Variants in KMT2E observed in about 807,000 individuals in gnomAD.
KMT2E encodes the protein histone reader KMT2E.
Under a neutral mutation model 184.6 loss-of-function variants are expected in KMT2E, and 30 were observed. The ratio of observed to expected loss-of-function variants is 0.16; its 90% CI spans 0.12 to 0.22. KMT2E has a LOEUF of 0.22. KMT2E is among the 10% of genes least tolerant of loss of function. The pLI is 1.00. For missense variants in KMT2E, 2,023 were observed against 2,237.4 expected, an observed-to-expected ratio of 0.90 and a Z score of 1.93; for synonymous variants, 815 against 776.5, an observed-to-expected ratio of 1.05 and a Z score of -0.82.
intron 11 of KMT2E, chr7:105,077,786 C>A (rs1797593022): frequency 5.0e-6 from 1 of 200,116 alleles, no homozygotes; most frequent in Admixed American, 5.4e-5. Flanking sequence ...CCATCTGGGA[C>A]TCATGATAAT....
intron 3 of KMT2E, among the ~76,000 whole-genome samples, chr7:105,057,960 C>A (rs1045682808): frequency 3.3e-5 from 5 of 152,170 alleles, no homozygotes; most frequent in African/African-American, 9.7e-5. Context: ...GGGATCCGAT[C>A]GAAATTCACA....
At chr7:105,069,107 C>T (rs1797175673) in intron 6 of KMT2E, among the ~76,000 whole-genome samples, 1 of 152,012 alleles carries the variant, frequency 6.6e-6, no homozygotes, top group Admixed American at 6.6e-5. Context: ...CTTCTGTGCC[C>T]CAAATTCAGA....
chr7:105,109,125 C>G lies in KMT2E; in HGVS notation c.3652C>G (p.Pro1218Ala). The stretch of plus-strand genomic sequence containing the variant: ...GGACCACACTGCTAGCCTACCTTTA[C>G]CAACACCAGCTACAGTTTATAATGC... ...QVDHTASLPLPTPATVYNATS... is the reference protein window; with the variant it reads ...QVDHTASLPLATPATVYNATS... Residue 1218 changes from proline (P) to alanine (A), a missense_variant, in exon 23 of 27, where the codon CCA (proline) becomes GCA (alanine). Physicochemically the swap from Pro to Ala is conservative, Grantham distance 27. Around this residue, in one of 8 missense-constraint regions of KMT2E, gnomAD observed 1,108 missense variants for 1,050.9 expected, o/e 1.05. Coordinates refer to ENST00000311117, the MANE Select transcript of KMT2E (RefSeq NM_182931.3). 1 of 1,614,126 alleles carries G rather than the reference C, an allele frequency of 6.2e-7. No homozygotes were observed. The highest frequency in any genetic ancestry group is 1.6e-4 in the Middle Eastern group (1 of 6,062).
At chr7:105,103,313 C>T (rs1798738529) in intron 17 of KMT2E, 2 of 152,148 alleles carry the variant, frequency 1.3e-5, no homozygotes, top group African/African-American at 4.8e-5. Flanking sequence ...GCCTCTTTTG[C>T]CTGCAGATTT....
At chr7:105,065,111 AAT>A (rs1379756688) in intron 5 of KMT2E, among the ~76,000 whole-genome samples, 1 of 152,078 alleles carries the variant, frequency 6.6e-6, no homozygotes, top group Non-Finnish European at 1.5e-5. Flanking sequence ...TTATGACTCT[AAT>A]ATTTGTTACT....
chr7:105,073,748 A>G (rs1797424163), intron 7 of KMT2E, 71 bp downstream of exon 7: 6 of 886,798 alleles, frequency 6.8e-6, no homozygotes. Context: ...CTCAACTTTT[A>G]GTTAAATGTA....
Position 105,113,416 on chromosome 7 carries a change from G to A in KMT2E, c.*83G>A, listed in dbSNP as rs564278554. The stretch of plus-strand genomic sequence containing the variant: ...TGTACCTGTTAAGGTACTTTTTAAA[G>A]CTTGTACATGAACCTTTGTATAAAA... On this transcript the variant is annotated 3_prime_UTR_variant, in exon 27 of 27. Transcript: ENST00000311117. The A allele has an allele frequency of 5.1e-6, 7 of 1,381,822 alleles. No homozygotes were observed. The East Asian group carries it at 1.5e-4, about 29-fold the overall frequency. The allele number at this position is 1,381,822 out of a possible 1,614,324, so 85.6% of individuals were successfully genotyped here.
chr7:105,103,797 T>C (rs1269781748), intron 17 of KMT2E: 2 of 151,828 alleles, frequency 1.3e-5, no homozygotes, highest in African/African-American at 4.8e-5. Context: ...TGCACATTTA[T>C]ATATACTAAG....
At chr7:105,104,215 G>A (rs944985402) in intron 17 of KMT2E, 1 of 152,042 alleles carries the variant, frequency 6.6e-6, no homozygotes, top group Non-Finnish European at 1.5e-5. Flanking sequence ...TTTTTTTAAA[G>A]TAGTAATTTA....
chr7:105,096,801 G>A (rs1258504527), intron 15 of KMT2E, among the ~76,000 whole-genome samples: 1 of 152,182 alleles, frequency 6.6e-6, no homozygotes, highest in Admixed American at 6.5e-5. Flanking sequence ...ATGATCTGGA[G>A]GCCTTGCCCT....
chr7:105,087,238 TAA>T (rs931286373), intron 13 of KMT2E, among the ~76,000 whole-genome samples: 4 of 146,012 alleles, frequency 2.7e-5, no homozygotes, highest in Non-Finnish European at 4.5e-5. Context: ...AGCATATATA[TAA>T]AGAGATACCA....
chr7:105,023,402 CAAAAA>C (rs1158885663), intron 1 of KMT2E, among the ~76,000 whole-genome samples: 6 of 55,914 alleles, frequency 1.1e-4, no homozygotes, highest in South Asian at 7.0e-4. Flanking sequence ...GACTCTGTCT[CAAAAA>C]AAAAAAAAAA....
At chr7:105,057,258 A>G (rs899092846) in intron 3 of KMT2E, among the ~76,000 whole-genome samples, 2 of 152,220 alleles carry the variant, frequency 1.3e-5, no homozygotes, top group Non-Finnish European at 2.9e-5. Context: ...CACCCAGTGT[A>G]TAGAGATTCT....
intron 23 of KMT2E, 113 bp downstream of exon 23, chr7:105,109,341 TAA>T (rs1289034719): frequency 1.9e-6 from 2 of 1,056,500 alleles, no homozygotes; most frequent in East Asian, 2.6e-5. Flanking sequence ...GTCACAATTT[TAA>T]AAGATTCTCT....
chr7:105,081,595 A>G (rs1797766635), intron 12 of KMT2E, 93 bp from the exon 13 acceptor site: 1 of 714,646 alleles, frequency 1.4e-6, no homozygotes, highest in Non-Finnish European at 2.5e-6. Context: ...TGTTTGTGAA[A>G]TAATTTGAAA....
intron 6 of KMT2E, among the ~76,000 whole-genome samples, chr7:105,069,761 T>G (rs567524838): frequency 6.6e-6 from 1 of 152,292 alleles, no homozygotes; most frequent in African/African-American, 2.4e-5. Context: ...ATTAACACAG[T>G]CACTCTATAG....
intron 6 of KMT2E, among the ~76,000 whole-genome samples, chr7:105,067,066 TAA>T (rs11457088): frequency 1.7e-5 from 2 of 115,466 alleles, no homozygotes; most frequent in African/African-American, 3.4e-5. Context: ...CTTTTTTTTT[TAA>T]AAAAAAAAAA....
chr7:105,035,979 G>A (rs900975541), intron 1 of KMT2E, among the ~76,000 whole-genome samples: 2 of 152,144 alleles, frequency 1.3e-5, no homozygotes, highest in Non-Finnish European at 2.9e-5. Context: ...AGCAAGGTCG[G>A]TTTTGTTAGT....
chr7:105,022,716 GTTT>G (rs1333248605), intron 1 of KMT2E, among the ~76,000 whole-genome samples: 1 of 151,998 alleles, frequency 6.6e-6, no homozygotes, highest in Non-Finnish European at 1.5e-5. Flanking sequence ...ATACACGAAG[GTTT>G]TTCTTTTCTT....
Sources: gnomAD v4.1 joint callset for allele counts (sites outside exome capture counted in the v4.1 genomes callset) on GRCh38, gnomAD v4.1.1 for gene constraint, gnomAD v4.1.1 regional missense constraint, MANE v1.5 for transcripts, NCBI Gene and HGNC (gene_info 2026-07-23, HGNC 2026-07-21) for gene names.